KCNN2: variants seen among roughly 807,000 people sequenced by gnomAD.
KCNN2 encodes the protein potassium calcium-activated channel subfamily N member 2, also known as small conductance calcium-activated potassium channel protein 2.
KCNN2 carries 24 observed loss-of-function variants against 55.5 expected under a neutral mutation model. That is an observed-to-expected ratio of 0.43 (90% CI 0.31 to 0.61). The LOEUF is 0.61. Among genes scored for constraint, KCNN2 ranks in the 20% least tolerant of loss-of-function variants. The probability of loss-of-function intolerance (pLI) is 0.08; values close to 1 mark genes in which losing one functional copy is unlikely to be tolerated. For missense variants in KCNN2, 754 were observed against 853.6 expected (o/e 0.88, Z 1.45); for synonymous variants, 431 against 336.1 (o/e 1.28, Z -3.09).
At chr5:114,083,881 C>A (rs2112544283) in intron 1 of KCNN2, among the ~76,000 whole-genome samples, 1 of 152,198 alleles carries the variant, frequency 6.6e-6, no homozygotes, top group Non-Finnish European at 1.5e-5. Context: ...AACCACTTAT[C>A]TTTTTACCAT....
At chr5:114,458,169 A>G (rs778453435) in intron 3 of KCNN2, among the ~76,000 whole-genome samples, 1 of 152,202 alleles carries the variant, frequency 6.6e-6, no homozygotes, top group Non-Finnish European at 1.5e-5. Flanking sequence ...TGGTGGATTG[A>G]TCACATGCAT....
intron 1 of KCNN2, among the ~76,000 whole-genome samples, chr5:114,117,355 T>G (rs1751726603): frequency 6.6e-6 from 1 of 152,160 alleles, no homozygotes. Context: ...ACCACTGTGG[T>G]AACCCTCTGA....
chr5:114,150,892 A>G (rs1752507301), intron 1 of KCNN2, among the ~76,000 whole-genome samples: 2 of 152,060 alleles, frequency 1.3e-5, no homozygotes, highest in African/African-American at 4.8e-5. Flanking sequence ...ATGGTGGTGC[A>G]TGCCTGTAAT....
At chr5:114,418,842 G>T (rs1759384358) in intron 3 of KCNN2, among the ~76,000 whole-genome samples, 1 of 152,170 alleles carries the variant, frequency 6.6e-6, no homozygotes, top group Non-Finnish European at 1.5e-5. Flanking sequence ...CTCTGCAGAT[G>T]CTGCTCACTA....
intron 2 of KCNN2, among the ~76,000 whole-genome samples, chr5:114,355,135 G>T (rs1375529158): frequency 6.6e-6 from 1 of 152,182 alleles, no homozygotes; most frequent in Non-Finnish European, 1.5e-5. Context: ...ATTATTAGGG[G>T]ACTGGGATTT....
intron 1 of KCNN2, among the ~76,000 whole-genome samples, chr5:114,178,445 T>C (rs544724158): frequency 1.3e-5 from 2 of 152,290 alleles, no homozygotes; most frequent in African/African-American, 2.4e-5. Context: ...TTGTTAAAGA[T>C]AGTCAGTTTC....
At chr5:114,398,360 A>AGTAC (rs1199775179) in intron 2 of KCNN2, among the ~76,000 whole-genome samples, 3 of 152,138 alleles carry the variant, frequency 2.0e-5, no homozygotes, top group Non-Finnish European at 4.4e-5. Context: ...TGCACTCTGT[A>AGTAC]GAACTCTGTA....
chr5:114,330,686 C>T (rs1480343954), intron 2 of KCNN2, among the ~76,000 whole-genome samples: 3 of 152,144 alleles, frequency 2.0e-5, no homozygotes, highest in Non-Finnish European at 4.4e-5. Flanking sequence ...CCCACTCAAC[C>T]TTTGGAGTGT....
intron 2 of KCNN2, among the ~76,000 whole-genome samples, chr5:114,317,889 G>A (rs1756530911): frequency 1.3e-5 from 2 of 152,212 alleles, no homozygotes; most frequent in Non-Finnish European, 2.9e-5. Context: ...CATCTTCACG[G>A]CAGCACAAGT....
intron 3 of KCNN2, among the ~76,000 whole-genome samples, chr5:114,427,309 G>A (rs1580821406): frequency 1.3e-5 from 2 of 152,314 alleles, no homozygotes; most frequent in South Asian, 2.1e-4. Context: ...GGGTTTGATG[G>A]GAGTATTCAG....
intron 1 of KCNN2, among the ~76,000 whole-genome samples, chr5:114,177,876 C>T (rs1406999080): frequency 6.6e-6 from 1 of 151,994 alleles, no homozygotes; most frequent in Non-Finnish European, 1.5e-5. Flanking sequence ...AATTAGACAT[C>T]GGATTAAATC....
chr5:114,093,793 A>T (rs10063341), intron 1 of KCNN2, among the ~76,000 whole-genome samples: 11,631 of 152,192 alleles, frequency 0.076, 805 homozygotes, highest in East Asian at 0.38. Context: ...CCATGATCCA[A>T]TTACCTCCAC....
At chr5:114,069,336 T>C (rs900312719) in intron 1 of KCNN2, among the ~76,000 whole-genome samples, 3 of 142,760 alleles carry the variant, frequency 2.1e-5, no homozygotes, top group Non-Finnish European at 3.0e-5. Context: ...AGAAAAAAAA[T>C]AGCATGCATC....
intron 2 of KCNN2, among the ~76,000 whole-genome samples, chr5:114,278,170 G>C (rs193140163): frequency 6.6e-6 from 1 of 152,192 alleles, no homozygotes; most frequent in Non-Finnish European, 1.5e-5. Flanking sequence ...GGTATCACCA[G>C]TGGAGGCTGC....
intron 1 of KCNN2, among the ~76,000 whole-genome samples, chr5:114,176,048 C>G (rs1404357267): frequency 6.6e-6 from 1 of 152,112 alleles, no homozygotes; most frequent in Non-Finnish European, 1.5e-5. Flanking sequence ...CTGATAATTT[C>G]TCAAATCACT....
intron 2 of KCNN2, among the ~76,000 whole-genome samples, chr5:114,237,886 G>A (rs949840521): frequency 6.6e-6 from 1 of 152,202 alleles, no homozygotes. Context: ...GTGATGCTCA[G>A]CTCTTGCCCC....
At chr5:114,139,758 C>A (rs954832373) in intron 1 of KCNN2, among the ~76,000 whole-genome samples, 1 of 151,272 alleles carries the variant, frequency 6.6e-6, no homozygotes. Context: ...TACTGATCAA[C>A]CAGACATTTT....
At chr5:114,189,150 G>GTA (rs1156982624) in intron 1 of KCNN2, among the ~76,000 whole-genome samples, 4 of 151,588 alleles carry the variant, frequency 2.6e-5, no homozygotes, top group African/African-American at 7.3e-5. Context: ...GTGTGTGTGT[G>GTA]TGTGTATGTG....
intron 1 of KCNN2, among the ~76,000 whole-genome samples, chr5:114,122,209 C>G (rs1050514834): frequency 6.6e-6 from 1 of 152,048 alleles, no homozygotes; most frequent in Non-Finnish European, 1.5e-5. Flanking sequence ...GCAAGCAGGC[C>G]TACATTTTTA....
Sources: gnomAD v4.1 joint callset for allele counts (sites outside exome capture counted in the v4.1 genomes callset) on GRCh38, gnomAD v4.1.1 for gene constraint, MANE v1.5 for transcripts, NCBI Gene and HGNC (gene_info 2026-07-23, HGNC 2026-07-21) for gene names.